Variants in CDC14A observed in about 807,000 individuals in gnomAD.
CDC14A encodes the protein dual specificity protein phosphatase CDC14A.
In CDC14A, 53 loss-of-function variants were observed where a neutral mutation model predicts 74.4. The ratio of observed to expected loss-of-function variants is 0.71; its 90% CI spans 0.57 to 0.89. The LOEUF (loss-of-function observed/expected upper bound fraction) is 0.89, where lower values mean the gene tolerates loss of function less well. CDC14A is among the 40% of genes least tolerant of loss of function. CDC14A has a pLI of 0.00. For synonymous variants in CDC14A, 247 were observed against 258.4 expected, an observed-to-expected ratio of 0.96 and a Z score of 0.43; for missense variants, 646 against 713.7, an observed-to-expected ratio of 0.91 and a Z score of 1.08.
intron 6 of CDC14A, among the ~76,000 whole-genome samples, chr1:100,440,636 A>T (rs1416448819): frequency 6.6e-6 from 1 of 152,152 alleles, no homozygotes; most frequent in Non-Finnish European, 1.5e-5. Context: ...CGAACATATA[A>T]CTATGGTTTA....
chr1:100,409,339 C>A (rs1660367159), intron 4 of CDC14A, among the ~76,000 whole-genome samples: 1 of 152,176 alleles, frequency 6.6e-6, no homozygotes, highest in African/African-American at 2.4e-5. Context: ...CAAACCATAT[C>A]ATTCCACTCC....
intron 2 of CDC14A, among the ~76,000 whole-genome samples, chr1:100,368,677 G>A (rs1284737936): frequency 6.6e-6 from 1 of 152,166 alleles, no homozygotes; most frequent in Non-Finnish European, 1.5e-5. Flanking sequence ...GGGTATAAAT[G>A]ATCCTGTCAC....
chr1:100,461,954 C>G (rs563286238), intron 8 of CDC14A, among the ~76,000 whole-genome samples: 1 of 152,186 alleles, frequency 6.6e-6, no homozygotes, highest in South Asian at 2.1e-4. Context: ...TTAAATTTTA[C>G]TTTCTAAATG....
intron 4 of CDC14A, among the ~76,000 whole-genome samples, chr1:100,406,286 G>T (rs1571089097): frequency 1.3e-5 from 2 of 152,068 alleles, no homozygotes; most frequent in Admixed American, 1.3e-4. Context: ...TTAGACCTTT[G>T]TCAGATAGAT....
At chr1:100,485,397 T>C in intron 11 of CDC14A, 1 of 797,130 alleles carries the variant, frequency 1.3e-6, no homozygotes, top group Non-Finnish European at 1.5e-6. Context: ...AAAAAGGACC[T>C]GTTCAAAATA....
At chr1:100,402,748 T>A (rs569183352) in intron 4 of CDC14A, among the ~76,000 whole-genome samples, 1 of 152,184 alleles carries the variant, frequency 6.6e-6, no homozygotes, top group Non-Finnish European at 1.5e-5. Flanking sequence ...CTGGGAGCTT[T>A]ATCCAGTCAT....
intron 4 of CDC14A, among the ~76,000 whole-genome samples, chr1:100,399,352 C>T (rs572374140): frequency 6.6e-6 from 1 of 152,026 alleles, no homozygotes; most frequent in African/African-American, 2.4e-5. Flanking sequence ...TGTTTCTTTT[C>T]GTGGATTTTT....
chr1:100,506,929 A>G (rs1007555343), intron 15 of CDC14A, among the ~76,000 whole-genome samples: 2 of 152,248 alleles, frequency 1.3e-5, no homozygotes, highest in Non-Finnish European at 2.9e-5. Flanking sequence ...TAATCCTAGC[A>G]CTTTAGGAGG....
At chr1:100,463,070 T>C (rs991048762) in intron 9 of CDC14A, among the ~76,000 whole-genome samples, 189 bp downstream of exon 9, 2 of 152,120 alleles carry the variant, frequency 1.3e-5, no homozygotes, top group Non-Finnish European at 2.9e-5. Flanking sequence ...GTGTGGACAA[T>C]TGGTGGTGGT....
In CDC14A at chr1:100,498,104, G is replaced by A; in HGVS notation, c.1318G>A (p.Gly440Arg). ...GCAAAGATTAAGTTCATCCCTGCAA[G>A]GATCTGCAGTTACTTTGAAGACATC... ...QPFRLSSSLQ[G>R]SAVTLKTSKM... The change falls in exon 14 of 16, where the codon GGA (glycine) becomes AGA (arginine). Residue 440 changes from glycine (G) to arginine (R), a missense_variant. Transcript: ENST00000336454. The A allele has an allele frequency of 6.2e-7, 1 of 1,613,944 alleles. No homozygotes were observed. Among genetic ancestry groups the A allele is most frequent in the Non-Finnish European group, 8.5e-7 (1 of 1,179,932 alleles).
At chr1:100,410,206 T>A (rs1345876842) in intron 4 of CDC14A, among the ~76,000 whole-genome samples, 1 of 150,390 alleles carries the variant, frequency 6.6e-6, no homozygotes, top group African/African-American at 2.4e-5. Context: ...AGTAAGACTC[T>A]GGCTAAAAAA....
intron 4 of CDC14A, among the ~76,000 whole-genome samples, chr1:100,407,226 A>G (rs1660068337): frequency 6.6e-6 from 1 of 151,478 alleles, no homozygotes; most frequent in Non-Finnish European, 1.5e-5. Flanking sequence ...TTTTTTTTCT[A>G]ATTCTATAAA....
At chr1:100,399,960 G>A (rs991889336) in intron 4 of CDC14A, among the ~76,000 whole-genome samples, 1 of 152,140 alleles carries the variant, frequency 6.6e-6, no homozygotes, top group African/African-American at 2.4e-5. Flanking sequence ...AAAAAATTAG[G>A]AAGTCCATAG....
intron 7 of CDC14A, among the ~76,000 whole-genome samples, chr1:100,447,481 T>C (rs751737369): frequency 1.3e-5 from 2 of 152,214 alleles, no homozygotes; most frequent in Non-Finnish European, 2.9e-5. Flanking sequence ...GTCCAAAACC[T>C]TCCTCTAGGA....
intron 5 of CDC14A, among the ~76,000 whole-genome samples, chr1:100,436,162 C>T (rs904842000): frequency 3.3e-5 from 5 of 152,132 alleles, no homozygotes; most frequent in Non-Finnish European, 5.9e-5. Context: ...AGGGATCTTC[C>T]AATTCCAAGT....
rs1491148182 is a variant in CDC14A, at chr1:100,412,723, T to TATA, written c.310-11499_310-11498insATA. On this transcript the variant is annotated intron_variant, in intron 4 of 15. Coordinates refer to ENST00000336454, the MANE Select transcript of CDC14A (RefSeq NM_003672.4). ...ATATATATATATATATATATATATA[T>TATA]TTTATATATATATATTTTATATATA... Among the ~76,000 whole-genome samples, 14 of 83,706 alleles carry TATA rather than the reference T, an allele frequency of 1.7e-4. 1 individual carries two copies. The highest frequency in any genetic ancestry group is 1.1e-3 in the African/African-American group (11 of 9,910). 54.9% of individuals were successfully genotyped at this position (83,706 alleles called of 152,430 possible). A position where few individuals can be genotyped will look rare whatever the true frequency, so the allele number is the denominator to read the frequency against.
chr1:100,509,360 G>A lies in CDC14A; in HGVS notation c.1756-8891G>A, dbSNP rs28364905. ...TGAGAGTCACCTATCTTGTGGATGT[G>A]GGCCTTGAATCCCCACTGAATTCCT... On this transcript the variant is annotated intron_variant, in intron 15 of 15. Coordinates refer to ENST00000336454, the MANE Select transcript of CDC14A (RefSeq NM_003672.4). Among the ~76,000 whole-genome samples the A allele has an allele frequency of 2.9e-3, 438 of 152,248 alleles. 2 individuals carry two copies. The highest frequency in any genetic ancestry group is 0.01 in the African/African-American group (426 of 41,544).
At chr1:100,412,739 T>TATATATATATTATATATATA in intron 4 of CDC14A, among the ~76,000 whole-genome samples, 1 of 93,798 alleles carries the variant, frequency 1.1e-5, no homozygotes, top group African/African-American at 7.2e-5. Flanking sequence ...ATATATATAT[T>TATATATATATTATATATATA]TTATATATAT....
chr1:100,470,817 T>C (rs1023522824), intron 10 of CDC14A, among the ~76,000 whole-genome samples: 13 of 152,136 alleles, frequency 8.5e-5, no homozygotes, highest in African/African-American at 3.1e-4. Flanking sequence ...GGCAAAGATA[T>C]GGAGCAACTG....
Sources: allele counts gnomAD v4.1 joint callset (sites outside exome capture counted in the v4.1 genomes callset), GRCh38; gene constraint gnomAD v4.1.1; transcripts MANE v1.5; gene names NCBI Gene and HGNC (gene_info 2026-07-23, HGNC 2026-07-21).